PCDH15: variants seen among roughly 807,000 people sequenced by gnomAD.
PCDH15 encodes the protein protocadherin related 15.
In PCDH15, 129 loss-of-function variants were observed where a neutral mutation model predicts 178.5. That is an observed-to-expected ratio of 0.72 (90% confidence interval 0.63 to 0.84). The LOEUF is 0.84. Ranked by LOEUF, PCDH15 falls within the 40% of genes least tolerant of loss-of-function variation. PCDH15 has a pLI of 0.00. For missense variants in PCDH15, 2,230 were observed against 2,099.9 expected, an observed-to-expected ratio of 1.06 and a Z score of -1.21; for synonymous variants, 800 against 732.0, an observed-to-expected ratio of 1.09 and a Z score of -1.50.
At chr10:54,057,820 C>A (rs1053329874) in intron 18 of PCDH15, among the ~76,000 whole-genome samples, 3 of 152,158 alleles carry the variant, frequency 2.0e-5, no homozygotes, top group Non-Finnish European at 4.4e-5. Flanking sequence ...CTCTTGAGCA[C>A]TTTGCCACTT....
chr10:55,468,019 C>T (rs919747908), intron 2 of PCDH15, among the ~76,000 whole-genome samples: 7 of 146,322 alleles, frequency 4.8e-5, no homozygotes, highest in African/African-American at 1.8e-4. Flanking sequence ...CCAGGACTTC[C>T]TTCCATCCAC....
intron 1 of PCDH15, among the ~76,000 whole-genome samples, chr10:55,308,357 C>T (rs1843485462): frequency 6.6e-6 from 1 of 152,098 alleles, no homozygotes; most frequent in South Asian, 2.1e-4. Flanking sequence ...ATTCTGATCT[C>T]TTTAGATGAT....
chr10:53,827,977 G>C (rs538474365), intron 31 of PCDH15, among the ~76,000 whole-genome samples: 2 of 151,668 alleles, frequency 1.3e-5, no homozygotes, highest in African/African-American at 4.8e-5. Context: ...CATTTTTGAC[G>C]TTATTTCACA....
At position 55,220,067 on chromosome 10, in the gene PCDH15, T is replaced by C. The variant is rs986714373; in HGVS notation, c.-155-53416A>G. ...GCCACAAGTTATTATTTTATTTCTC[T>C]ATTTTCTTGGCTAATTACCCTAAAA... is the stretch of plus-strand genomic sequence containing the variant. On this transcript the variant is annotated intron_variant, in intron 1 of 5. Transcript: ENST00000458638. Among the ~76,000 whole-genome samples, 3 of 152,062 alleles carry C rather than the reference T, an allele frequency of 2.0e-5. No homozygotes were observed. The South Asian group carries it at 6.2e-4, about 31-fold the overall frequency.
intron 8 of PCDH15, among the ~76,000 whole-genome samples, chr10:54,289,966 A>G (rs944642434): frequency 5.3e-5 from 8 of 152,160 alleles, no homozygotes; most frequent in African/African-American, 1.9e-4. Context: ...AAGTTGGAAA[A>G]CACTATTCAG....
intron 21 of PCDH15, among the ~76,000 whole-genome samples, chr10:53,987,120 A>C (rs989764002): frequency 6.6e-6 from 1 of 152,144 alleles, no homozygotes; most frequent in Non-Finnish European, 1.5e-5. Flanking sequence ...CTAGTAAAAA[A>C]CTTTAATATA....
intron 28 of PCDH15, among the ~76,000 whole-genome samples, chr10:53,848,578 GTTTT>G: frequency 6.6e-6 from 1 of 151,850 alleles, no homozygotes; most frequent in East Asian, 1.9e-4. Context: ...GTCTGGAAAT[GTTTT>G]TTTCCTTAGT....
chr10:54,810,908 A>T (rs1207353979), intron 3 of PCDH15, among the ~76,000 whole-genome samples: 2 of 152,154 alleles, frequency 1.3e-5, no homozygotes, highest in African/African-American at 4.8e-5. Context: ...TCTTTTAAAC[A>T]TAATGGTAAT....
intron 2 of PCDH15, among the ~76,000 whole-genome samples, chr10:55,332,023 ATTAAC>A (rs1341729650): frequency 6.6e-6 from 1 of 152,160 alleles, no homozygotes; most frequent in African/African-American, 2.4e-5. Context: ...TACAAGGGAA[ATTAAC>A]TTAAAAAGTT....
chr10:55,145,888 A>C (rs1369604662), intron 2 of PCDH15, among the ~76,000 whole-genome samples: 1 of 151,980 alleles, frequency 6.6e-6, no homozygotes, highest in Non-Finnish European at 1.5e-5. Flanking sequence ...ACTGTAAGTC[A>C]CCCTATCACC....
At chr10:54,450,126 T>TATAA (rs1325831920) in intron 3 of PCDH15, among the ~76,000 whole-genome samples, 1 of 65,270 alleles carries the variant, frequency 1.5e-5, no homozygotes, top group Non-Finnish European at 3.8e-5. Context: ...ATTCCTTTTT[T>TATAA]ATAAATATAT....
chr10:55,123,178 C>A (rs1231257470), intron 2 of PCDH15, among the ~76,000 whole-genome samples: 1 of 139,920 alleles, frequency 7.1e-6, no homozygotes, highest in African/African-American at 2.9e-5. Flanking sequence ...ATTTTCCTGT[C>A]TTATATTCTG....
intron 34 of PCDH15, among the ~76,000 whole-genome samples, chr10:53,817,445 G>A (rs1019039722): frequency 7.3e-5 from 11 of 151,016 alleles, no homozygotes; most frequent in Admixed American, 5.3e-4. Flanking sequence ...ATAGGATGGC[G>A]CCTTGAACTG....
intron 2 of PCDH15, among the ~76,000 whole-genome samples, chr10:55,514,546 G>A (rs1008982854): frequency 3.3e-5 from 5 of 152,266 alleles, no homozygotes; most frequent in African/African-American, 1.2e-4. Flanking sequence ...TCGGCAAAGC[G>A]TAGACAGCCG....
chr10:54,468,289 G>T (rs947727700), intron 3 of PCDH15, among the ~76,000 whole-genome samples: 1 of 151,510 alleles, frequency 6.6e-6, no homozygotes, highest in African/African-American at 2.4e-5. Flanking sequence ...TAATGTAGGC[G>T]TTTATTGCTA....
chr10:54,240,812 T>C (rs376321219), intron 8 of PCDH15, among the ~76,000 whole-genome samples: 415 of 151,928 alleles, frequency 2.7e-3, no homozygotes, highest in Middle Eastern at 6.8e-3. Context: ...TTTGTATTTT[T>C]AGGAGAGACG....
intron 2 of PCDH15, among the ~76,000 whole-genome samples, chr10:54,981,251 T>G (rs1047740279): frequency 6.6e-6 from 1 of 152,160 alleles, no homozygotes; most frequent in Non-Finnish European, 1.5e-5. Context: ...CTCTCGTCAA[T>G]GTAAACCCCA....
chr10:54,680,436 T>A (rs2094878149), intron 1 of PCDH15, among the ~76,000 whole-genome samples: 1 of 152,182 alleles, frequency 6.6e-6, no homozygotes, highest in Non-Finnish European at 1.5e-5. Flanking sequence ...AATGTATTGC[T>A]TCACAAAGTC....
intron 2 of PCDH15, among the ~76,000 whole-genome samples, chr10:54,570,349 T>A (rs1250354193): frequency 6.6e-6 from 1 of 152,176 alleles, no homozygotes; most frequent in Non-Finnish European, 1.5e-5. Context: ...GGTTTAAATA[T>A]CTCATTTATA....
Sources: allele counts gnomAD v4.1 joint callset (sites outside exome capture counted in the v4.1 genomes callset), GRCh38; gene constraint gnomAD v4.1.1; transcripts MANE v1.5; gene names NCBI Gene and HGNC (gene_info 2026-07-23, HGNC 2026-07-21).